The following GRM5 variants were observed in gnomAD, a reference collection of about 807,000 sequenced individuals.
GRM5 encodes the protein metabotropic glutamate receptor 5.
GRM5 carries 19 observed loss-of-function variants against 83.1 expected under a neutral mutation model. The observed-to-expected ratio is 0.23, with a 90% CI of 0.16 to 0.34. The LOEUF (loss-of-function observed/expected upper bound fraction) is 0.34, where lower values mean the gene tolerates loss of function less well. Ranked by LOEUF, GRM5 falls within the 10% of genes least tolerant of loss-of-function variation. The pLI is 1.00. For missense variants in GRM5, 1,160 were observed against 1,588.3 expected (o/e 0.73, Z 4.58); for synonymous variants, 675 against 633.6 (o/e 1.07, Z -0.98).
intron 2 of GRM5, among the ~76,000 whole-genome samples, chr11:88,861,247 C>T (rs1944556868): frequency 6.6e-6 from 1 of 152,060 alleles, no homozygotes. Flanking sequence ...CTGCTTGACT[C>T]TTCTCTCCAG....
At chr11:88,509,532 A>T in intron 9 of GRM5, 28 bp from the exon 10 acceptor site, 1 of 1,582,014 alleles carries the variant, frequency 6.3e-7, no homozygotes. Context: ...AGGAAAGGTG[A>T]CTCAGCGAGG....
intron 2 of GRM5, among the ~76,000 whole-genome samples, chr11:88,926,779 T>A (rs1310157679): frequency 1.3e-5 from 2 of 152,194 alleles, no homozygotes; most frequent in Admixed American, 6.5e-5. Context: ...GTTAACCCTA[T>A]GAGGGCAGTT....
At chr11:88,868,045 C>T (rs1003953437) in intron 2 of GRM5, among the ~76,000 whole-genome samples, 3 of 151,914 alleles carry the variant, frequency 2.0e-5, no homozygotes, top group Non-Finnish European at 4.4e-5. Flanking sequence ...AGTTTGATTC[C>T]TGTATCCACA....
Position 88,988,205 on chromosome 11 carries a change from C to T in GRM5, c.661+59007G>A, listed in dbSNP as rs374894427. 2.2e-3 allele frequency among the ~76,000 whole-genome samples: 337 copies of T among 151,756 alleles called. 2 individuals carry two copies. Among genetic ancestry groups the T allele is most frequent in the Middle Eastern group, 0.01 (3 of 294 alleles). On this transcript the variant is annotated intron_variant, in intron 2 of 9. Transcript: ENST00000305447. ...TGAAAACCAAGGCTCGAGAACTACG[C>T]GAAGAATGCAGAAGCCTCAGTAGCC... is the stretch of plus-strand genomic sequence containing the variant.
chr11:88,658,983 T>C (rs1939836102), intron 3 of GRM5, among the ~76,000 whole-genome samples: 1 of 152,126 alleles, frequency 6.6e-6, no homozygotes, highest in Non-Finnish European at 1.5e-5. Flanking sequence ...TGCTAAAAGC[T>C]TACATGACAG....
In GRM5 at chr11:88,988,101, G is replaced by A. The variant is rs908130991; in HGVS notation, c.661+59111C>T. Among the ~76,000 whole-genome samples, 237 of 148,548 alleles carry A rather than the reference G, an allele frequency of 1.6e-3. 3 individuals carry two copies. The East Asian group carries it at 0.039, about 24-fold the overall frequency. ...CATTCAAACCAAAGGCAAAGAAGTT[G>A]AAAACTTTGAAAAAAATTTAGAAGA... On this transcript the variant is annotated intron_variant, in intron 2 of 9. Transcript: ENST00000305447.
intron 2 of GRM5, among the ~76,000 whole-genome samples, chr11:88,976,412 A>G (rs1366667920): frequency 1.3e-5 from 2 of 152,068 alleles, no homozygotes; most frequent in Non-Finnish European, 2.9e-5. Context: ...TTATTTCTCA[A>G]ATAGAACTAT....
intron 2 of GRM5, among the ~76,000 whole-genome samples, chr11:88,877,347 A>G (rs1944872330): frequency 6.6e-6 from 1 of 152,132 alleles, no homozygotes; most frequent in Non-Finnish European, 1.5e-5. Flanking sequence ...AAGTATTAGA[A>G]AGACTACAGT....
At chr11:88,908,933 T>C (rs559844262) in intron 2 of GRM5, among the ~76,000 whole-genome samples, 1 of 152,128 alleles carries the variant, frequency 6.6e-6, no homozygotes, top group Non-Finnish European at 1.5e-5. Context: ...GCATTCTTAG[T>C]TGCCTTATAT....
chr11:88,549,092 G>A (rs1349108975), intron 8 of GRM5, among the ~76,000 whole-genome samples: 1 of 152,174 alleles, frequency 6.6e-6, no homozygotes, highest in African/African-American at 2.4e-5. Flanking sequence ...TTAGGAATTG[G>A]AGAGTAAGAA....
At chr11:88,523,086 C>A (rs1231800833) in intron 9 of GRM5, 1 of 152,174 alleles carries the variant, frequency 6.6e-6, no homozygotes, top group South Asian at 2.1e-4. Context: ...ATCTAAAGCT[C>A]TAAGTATTGA....
intron 2 of GRM5, among the ~76,000 whole-genome samples, chr11:88,997,921 G>A (rs1940243235): frequency 6.6e-6 from 1 of 152,088 alleles, no homozygotes; most frequent in African/African-American, 2.4e-5. Flanking sequence ...TCAGAAAAGA[G>A]AAGAGTAGGG....
At chr11:88,834,065 T>C (rs930082483) in intron 3 of GRM5, among the ~76,000 whole-genome samples, 1 of 152,174 alleles carries the variant, frequency 6.6e-6, no homozygotes. Context: ...GAGTAGACTA[T>C]CATTAACAAA....
chr11:88,847,760 G>A (rs1308929316), intron 3 of GRM5, among the ~76,000 whole-genome samples: 3 of 152,032 alleles, frequency 2.0e-5, no homozygotes, highest in African/African-American at 7.2e-5. Context: ...TCTAACTAGA[G>A]GCTATAAATT....
At chr11:88,956,371 T>C (rs1416699258) in intron 2 of GRM5, among the ~76,000 whole-genome samples, 2 of 152,252 alleles carry the variant, frequency 1.3e-5, no homozygotes, top group Admixed American at 6.5e-5. Flanking sequence ...AAGTATTTTA[T>C]TCACTTATTC....
At chr11:88,737,914 T>C (rs1282879753) in intron 3 of GRM5, among the ~76,000 whole-genome samples, 1 of 152,072 alleles carries the variant, frequency 6.6e-6, no homozygotes, top group Non-Finnish European at 1.5e-5. Flanking sequence ...CCTATAATTA[T>C]CATGTTCATG....
chr11:88,991,525 A>G (rs1249600955), intron 2 of GRM5, among the ~76,000 whole-genome samples: 3 of 151,302 alleles, frequency 2.0e-5, no homozygotes, highest in Non-Finnish European at 3.0e-5. Flanking sequence ...TAAAGTTCAT[A>G]TGGAACCAAA....
chr11:88,531,618 C>A (rs921478709), intron 8 of GRM5, among the ~76,000 whole-genome samples: 1 of 152,094 alleles, frequency 6.6e-6, no homozygotes, highest in Non-Finnish European at 1.5e-5. Flanking sequence ...ATTGCAGACT[C>A]TCTGAGAACA....
intron 3 of GRM5, among the ~76,000 whole-genome samples, chr11:88,788,834 G>A (rs954466800): frequency 2.0e-5 from 3 of 152,130 alleles, no homozygotes; most frequent in African/African-American, 7.2e-5. Flanking sequence ...GAAGATGTGA[G>A]TAGTTAGATA....
Sources: allele counts gnomAD v4.1 joint callset (sites outside exome capture counted in the v4.1 genomes callset), GRCh38; gene constraint gnomAD v4.1.1; transcripts MANE v1.5; gene names NCBI Gene and HGNC (gene_info 2026-07-23, HGNC 2026-07-21).